The following MBD5 variants were observed in gnomAD, a reference collection of about 807,000 sequenced individuals.
The protein encoded by MBD5 is methyl-CpG-binding domain protein 5.
In MBD5, 13 loss-of-function variants were observed where a neutral mutation model predicts 117.3. The observed-to-expected ratio is 0.11, with a 90% CI of 0.07 to 0.18. The LOEUF (loss-of-function observed/expected upper bound fraction) is 0.18, where lower values mean the gene tolerates loss of function less well. MBD5 is among the 10% of genes least tolerant of loss of function. MBD5 has a pLI of 1.00. For synonymous variants in MBD5, 727 were observed against 766.4 expected (o/e 0.95, Z 0.85); for missense variants, 1,879 against 2,093.8 (o/e 0.90, Z 2.00).
At chr2:148,219,192 C>T (rs1330215162) in intron 2 of MBD5, among the ~76,000 whole-genome samples, 2 of 152,052 alleles carry the variant, frequency 1.3e-5, no homozygotes, top group Non-Finnish European at 2.9e-5. Context: ...AAGACACAAA[C>T]ACACACATTA....
chr2:148,326,345 A>G (rs1350929717), intron 3 of MBD5, among the ~76,000 whole-genome samples: 2 of 152,118 alleles, frequency 1.3e-5, no homozygotes, highest in Non-Finnish European at 2.9e-5. Flanking sequence ...GTAGATGTCT[A>G]TTAGGTCCGC....
chr2:148,081,800 T>C (rs1310569917), intron 1 of MBD5, among the ~76,000 whole-genome samples: 2 of 152,208 alleles, frequency 1.3e-5, no homozygotes, highest in East Asian at 3.9e-4. Context: ...ATTCTTATTC[T>C]ACATAGTACC....
chr2:148,430,825 TTAAG>T (rs1435973334), intron 4 of MBD5, among the ~76,000 whole-genome samples: 2 of 152,130 alleles, frequency 1.3e-5, no homozygotes, highest in East Asian at 3.8e-4. Context: ...TCACAAACAA[TTAAG>T]TATTACTTTT....
chr2:148,313,632 C>T (rs544412531), intron 3 of MBD5, among the ~76,000 whole-genome samples: 479 of 152,332 alleles, frequency 3.1e-3, no homozygotes, highest in Non-Finnish European at 5.0e-3. Flanking sequence ...CTTCAGCCCC[C>T]TTTCCAGGGG....
Position 148,140,815 on chromosome 2 carries a change from G to A in MBD5, c.-924-37885G>A, listed in dbSNP as rs1697295431. ...CCTATTGTATTGCCCAGGCTGGAGT[G>A]CAGGCAGTGGTGTGATCTTGGCCCA... On this transcript the variant is annotated intron_variant, in intron 1 of 13. Transcript: ENST00000642680. Among the ~76,000 whole-genome samples the A allele has an allele frequency of 2.0e-5, 3 of 151,330 alleles. No homozygotes were observed. The South Asian group carries it at 6.3e-4, about 32-fold the overall frequency.
intron 4 of MBD5, among the ~76,000 whole-genome samples, chr2:148,344,065 T>C (rs929266304): frequency 1.6e-4 from 25 of 152,094 alleles, no homozygotes; most frequent in African/African-American, 5.8e-4. Context: ...ATGTATTGAA[T>C]AGGGAGTCCT....
At chr2:148,068,718 TAAG>T (rs1188301834) in intron 1 of MBD5, 13 of 152,250 alleles carry the variant, frequency 8.5e-5, no homozygotes. Context: ...GAGACTATCT[TAAG>T]AAGTCAGGAG....
chr2:148,064,368 G>A (rs1695126384), intron 1 of MBD5, among the ~76,000 whole-genome samples: 1 of 150,962 alleles, frequency 6.6e-6, no homozygotes, highest in Non-Finnish European at 1.5e-5. Flanking sequence ...CCTCGCCTCG[G>A]CCTCCCAAAG....
intron 4 of MBD5, among the ~76,000 whole-genome samples, chr2:148,455,851 G>A (rs1706863142): frequency 6.6e-6 from 1 of 151,910 alleles, no homozygotes; most frequent in Non-Finnish European, 1.5e-5. Flanking sequence ...AGATTTCTTT[G>A]GAAAAGCAAG....
intron 3 of MBD5, among the ~76,000 whole-genome samples, chr2:148,274,736 T>A (rs2106356625): frequency 6.6e-6 from 1 of 151,752 alleles, no homozygotes; most frequent in African/African-American, 2.4e-5. Context: ...TTTTTTTTTT[T>A]TTTGAGACAG....
chr2:148,378,386 A>G (rs931013399), intron 4 of MBD5, among the ~76,000 whole-genome samples: 1 of 152,102 alleles, frequency 6.6e-6, no homozygotes, highest in Non-Finnish European at 1.5e-5. Context: ...GCCTTTCCAA[A>G]ATTGAAAAGT....
At chr2:148,290,893 C>G (rs559302662) in intron 3 of MBD5, among the ~76,000 whole-genome samples, 61 of 152,208 alleles carry the variant, frequency 4.0e-4, no homozygotes, top group African/African-American at 1.3e-3. Context: ...GAATTACTGA[C>G]TTATATGTTA....
intron 3 of MBD5, among the ~76,000 whole-genome samples, chr2:148,328,442 C>T (rs1162518150): frequency 6.6e-6 from 1 of 152,068 alleles, no homozygotes; most frequent in Admixed American, 6.6e-5. Flanking sequence ...CCCCTAGCCT[C>T]GCTGCTGCCT....
At chr2:148,492,724 A>T (rs1200123042) in intron 11 of MBD5, among the ~76,000 whole-genome samples, 2 of 152,110 alleles carry the variant, frequency 1.3e-5, no homozygotes, top group African/African-American at 4.8e-5. Flanking sequence ...TCCGTGAGTC[A>T]AAGTTCTCAT....
chr2:148,247,365 G>A (rs1363107831), intron 3 of MBD5, among the ~76,000 whole-genome samples: 2 of 152,074 alleles, frequency 1.3e-5, no homozygotes, highest in Non-Finnish European at 2.9e-5. Flanking sequence ...AAATACACAA[G>A]CTTTAAAACA....
chr2:148,046,027 A>AGGCTGGAGTGCAGTGGTGCAATCTC (rs1694520202), intron 1 of MBD5, among the ~76,000 whole-genome samples: 1 of 116,506 alleles, frequency 8.6e-6, no homozygotes, highest in East Asian at 2.9e-4. Flanking sequence ...CGGTGTTGCC[A>AGGCTGGAGTGCAGTGGTGCAATCTC]GGCTGGAGTG....
At chr2:148,457,112 AATG>A (rs776239758) in intron 4 of MBD5, among the ~76,000 whole-genome samples, 43 of 152,312 alleles carry the variant, frequency 2.8e-4, no homozygotes, top group Admixed American at 5.9e-4. Context: ...TGTGTTTTAA[AATG>A]ATTTCAATTT....
intron 4 of MBD5, among the ~76,000 whole-genome samples, chr2:148,398,298 C>T (rs529571160): frequency 1.3e-5 from 2 of 152,282 alleles, no homozygotes; most frequent in East Asian, 3.9e-4. Context: ...TATTTTTCCA[C>T]ATCTTCTCCA....
At chr2:148,128,282 T>G (rs747614220) in intron 1 of MBD5, among the ~76,000 whole-genome samples, 2 of 152,210 alleles carry the variant, frequency 1.3e-5, no homozygotes, top group African/African-American at 4.8e-5. Flanking sequence ...GTTAACTCCC[T>G]GGTTAAAAGA....
Sources: gnomAD v4.1 joint callset for allele counts (sites outside exome capture counted in the v4.1 genomes callset) on GRCh38, gnomAD v4.1.1 for gene constraint, MANE v1.5 for transcripts, NCBI Gene and HGNC (gene_info 2026-07-23, HGNC 2026-07-21) for gene names.